EPHB2: variants seen among roughly 807,000 people sequenced by gnomAD.
EPHB2 encodes EPH receptor B2.
Under a neutral mutation model 96.4 loss-of-function variants are expected in EPHB2, and 18 were observed. The ratio of observed to expected loss-of-function variants is 0.19; its 90% CI spans 0.13 to 0.28. The LOEUF (loss-of-function observed/expected upper bound fraction) is 0.28, where lower values mean the gene tolerates loss of function less well. Among genes scored for constraint, EPHB2 ranks in the 10% least tolerant of loss-of-function variants. The pLI is 1.00. For synonymous variants in EPHB2, 506 were observed against 534.1 expected, an observed-to-expected ratio of 0.95 and a Z score of 0.72; for missense variants, 989 against 1,355.4, an observed-to-expected ratio of 0.73 and a Z score of 4.25.
At chr1:22,869,885 A>G (rs770902721) in intron 5 of EPHB2, among the ~76,000 whole-genome samples, 5 of 152,128 alleles carry the variant, frequency 3.3e-5, no homozygotes, top group Non-Finnish European at 5.9e-5. Flanking sequence ...CTCCCCCATC[A>G]TCGGCACTCG....
chr1:22,788,250 A>G (rs140430876), intron 3 of EPHB2, among the ~76,000 whole-genome samples: 63 of 152,238 alleles, frequency 4.1e-4, no homozygotes, highest in African/African-American at 1.3e-3. Flanking sequence ...TGAGGGTGCA[A>G]GGTGGGGCAG....
intron 6 of EPHB2, chr1:22,882,918 C>T (rs1396200090): frequency 7.8e-6 from 2 of 255,150 alleles, no homozygotes; most frequent in Non-Finnish European, 1.5e-5. Context: ...TGCTCTGAGT[C>T]CTGCTAAAAC....
chr1:22,727,972 C>T (rs1253610390), intron 1 of EPHB2, among the ~76,000 whole-genome samples: 1 of 151,870 alleles, frequency 6.6e-6, no homozygotes. Flanking sequence ...TAACATCTGC[C>T]TCTAGCCCTC....
At chr1:22,745,134 A>C (rs1643954132) in intron 1 of EPHB2, among the ~76,000 whole-genome samples, 1 of 152,254 alleles carries the variant, frequency 6.6e-6, no homozygotes, top group African/African-American at 2.4e-5. Flanking sequence ...GGACTAGAGC[A>C]CAATGTTCAC....
rs190643539 is a variant in EPHB2, at chr1:22,878,619, C to T, written c.1304-3740C>T. On this transcript the variant is annotated intron_variant, in intron 5 of 15. Transcript: ENST00000374630. ...ATGCATTTCCACTGCCTTCTCACAGCGTCCTGGCCAGGTGAGGGTTCCTAC... is the reference window on the plus strand; with the variant it reads ...ATGCATTTCCACTGCCTTCTCACAGTGTCCTGGCCAGGTGAGGGTTCCTAC... 6.6e-4 allele frequency among the ~76,000 whole-genome samples: 100 copies of T among 152,346 alleles called. 1 individual carries two copies. The highest frequency in any genetic ancestry group is 2.2e-3 in the Admixed American group (34 of 15,308).
intron 1 of EPHB2, among the ~76,000 whole-genome samples, chr1:22,723,073 G>A (rs549219899): frequency 3.0e-4 from 46 of 152,342 alleles, no homozygotes; most frequent in African/African-American, 9.6e-4. Context: ...GGGAGAGAGC[G>A]TGGGGTCAAC....
intron 6 of EPHB2, among the ~76,000 whole-genome samples, chr1:22,886,326 C>T (rs1357078000): frequency 2.0e-5 from 3 of 152,122 alleles, no homozygotes; most frequent in Non-Finnish European, 4.4e-5. Context: ...GAAGCAGAAG[C>T]GGGAGCATCA....
chr1:22,910,978 A>C (rs1640079793), intron 14 of EPHB2, among the ~76,000 whole-genome samples: 1 of 151,960 alleles, frequency 6.6e-6, no homozygotes, highest in South Asian at 2.1e-4. Context: ...TCTCTACTAA[A>C]ATTTATAAAA....
chr1:22,769,036 G>T (rs1439001725), intron 1 of EPHB2, among the ~76,000 whole-genome samples: 1 of 152,220 alleles, frequency 6.6e-6, no homozygotes, highest in African/African-American at 2.4e-5. Context: ...CTTACAGACT[G>T]TAGGACAGGG....
At chr1:22,737,956 A>C (rs1643864042) in intron 1 of EPHB2, among the ~76,000 whole-genome samples, 1 of 152,208 alleles carries the variant, frequency 6.6e-6, no homozygotes, top group African/African-American at 2.4e-5. Context: ...CTGGAATGAG[A>C]CTGGATCTGG....
intron 3 of EPHB2, among the ~76,000 whole-genome samples, chr1:22,830,185 C>T (rs1026895100): frequency 2.0e-5 from 3 of 152,112 alleles, no homozygotes; most frequent in East Asian, 1.9e-4. Flanking sequence ...AGGGCTTTGG[C>T]GGGAATTCCA....
rs112086983 is a variant in EPHB2, at chr1:22,735,317, T to C, written c.61+24274T>C. On this transcript the variant is annotated intron_variant, in intron 1 of 15. Transcript: ENST00000374630. The stretch of plus-strand genomic sequence containing the variant: ...AGTCAGGCATGGTGGCATGTGCCTA[T>C]AGTCCCAGCTACTTGGGAGGCTGAG... Among the ~76,000 whole-genome samples, 58 of 152,004 alleles carry C rather than the reference T, an allele frequency of 3.8e-4. 1 individual carries two copies. The highest frequency in any genetic ancestry group is 1.3e-3 in the African/African-American group (53 of 41,436).
At position 22,892,007 on chromosome 1, in the gene EPHB2, G is replaced by C. The variant is rs144965963; in HGVS notation, c.1429-877G>C. On this transcript the variant is annotated intron_variant, in intron 6 of 15. Coordinates refer to ENST00000374630, the MANE Select transcript of EPHB2 (RefSeq NM_017449.5). ...AGAAAGGGTCTTGGTATGTTGCCCA[G>C]ACTGGTCTCAAACTACTGGGCTCAA... Among the ~76,000 whole-genome samples the C allele has an allele frequency of 4.3e-3, 651 of 149,932 alleles. 6 individuals are homozygous for C. The highest frequency in any genetic ancestry group is 0.015 in the African/African-American group (599 of 40,682).
At chr1:22,901,810 TGTGTGTGTGA>T (rs1639757276) in intron 9 of EPHB2, among the ~76,000 whole-genome samples, 1 of 112,126 alleles carries the variant, frequency 8.9e-6, no homozygotes, top group East Asian at 2.5e-4. Flanking sequence ...ACTTCGTGTG[TGTGTGTGTGA>T]GTGTGTGTGT....
chr1:22,850,430 G>C (rs1050788234), intron 3 of EPHB2, among the ~76,000 whole-genome samples: 10 of 152,344 alleles, frequency 6.6e-5, no homozygotes, highest in Non-Finnish European at 4.4e-5. Context: ...CACGGTACCA[G>C]GACTGGGCCT....
chr1:22,850,197 G>A (rs1372699591), intron 3 of EPHB2, among the ~76,000 whole-genome samples: 2 of 152,200 alleles, frequency 1.3e-5, no homozygotes, highest in Admixed American at 1.3e-4. Flanking sequence ...CTTCTGGAGG[G>A]GGAGGGGGCT....
At chr1:22,789,822 C>T (rs1338132843) in intron 3 of EPHB2, among the ~76,000 whole-genome samples, 1 of 152,092 alleles carries the variant, frequency 6.6e-6, no homozygotes, top group Non-Finnish European at 1.5e-5. Context: ...AAAAAGTGGC[C>T]GTGCTTCAGG....
At chr1:22,876,115 G>C (rs2148541901) in intron 5 of EPHB2, among the ~76,000 whole-genome samples, 1 of 152,316 alleles carries the variant, frequency 6.6e-6, no homozygotes, top group Non-Finnish European at 1.5e-5. Context: ...TCAACAGGGA[G>C]TGAAGACATC....
intron 1 of EPHB2, among the ~76,000 whole-genome samples, chr1:22,775,979 T>C (rs1010607706): frequency 6.6e-6 from 1 of 152,158 alleles, no homozygotes; most frequent in Non-Finnish European, 1.5e-5. Flanking sequence ...AACGGCAAAG[T>C]TGGCAGAGTG....
Sources: gnomAD v4.1 joint callset for allele counts (sites outside exome capture counted in the v4.1 genomes callset) on GRCh38, gnomAD v4.1.1 for gene constraint, MANE v1.5 for transcripts, NCBI Gene and HGNC (gene_info 2026-07-23, HGNC 2026-07-21) for gene names.